Variants in LRFN2 observed in about 807,000 individuals in gnomAD.
LRFN2 encodes leucine-rich repeat and fibronectin type-III domain-containing protein 2.
LRFN2 carries 18 observed loss-of-function variants against 37.3 expected under a neutral mutation model. The ratio of observed to expected loss-of-function variants is 0.48; its 90% CI spans 0.33 to 0.72. The LOEUF (loss-of-function observed/expected upper bound fraction) is 0.72. LRFN2 is among the 30% of genes least tolerant of loss of function. The probability of loss-of-function intolerance (pLI) is 0.02; values close to 1 mark genes in which losing one functional copy is unlikely to be tolerated. For synonymous variants in LRFN2, 556 were observed against 466.6 expected (o/e 1.19, Z -2.47); for missense variants, 1,006 against 1,060.7 (o/e 0.95, Z 0.72).
At chr6:40,445,929 A>T (rs1156908085) in intron 1 of LRFN2, among the ~76,000 whole-genome samples, 1 of 152,234 alleles carries the variant, frequency 6.6e-6, no homozygotes, top group Non-Finnish European at 1.5e-5. Context: ...AACCAGGGCC[A>T]GGCACAAAAT....
At position 40,516,904 on chromosome 6, in the gene LRFN2, T is replaced by G. The variant is rs564168207; in HGVS notation, c.-19+70037A>C. ...AGGCCAGGAAGGTCTCATCCTCATC[T>G]GGGCAGAGCTCTCCATTCCTTCCAT... is the stretch of plus-strand genomic sequence containing the variant. On this transcript the variant is annotated intron_variant, in intron 1 of 2. Transcript: ENST00000338305. 2.6e-4 allele frequency among the ~76,000 whole-genome samples: 40 copies of G among 152,348 alleles called. No homozygotes were observed. In the South Asian group the frequency reaches 2.7e-3, roughly 10 times the overall value.
chr6:40,425,165 G>A (rs1250670339), intron 2 of LRFN2, among the ~76,000 whole-genome samples: 3 of 152,240 alleles, frequency 2.0e-5, no homozygotes, highest in Admixed American at 1.3e-4. Context: ...AACATGGCAT[G>A]GGAAAGGGAG....
At chr6:40,561,481 A>G (rs953508229) in intron 1 of LRFN2, among the ~76,000 whole-genome samples, 1 of 152,204 alleles carries the variant, frequency 6.6e-6, no homozygotes, top group African/African-American at 2.4e-5. Flanking sequence ...GGGACCTGCC[A>G]GAGGGGCTGG....
intron 2 of LRFN2, among the ~76,000 whole-genome samples, chr6:40,421,186 G>A (rs1386308404): frequency 6.6e-6 from 1 of 152,208 alleles, no homozygotes; most frequent in African/African-American, 2.4e-5. Context: ...ACTCCATGGA[G>A]CTCCCATACC....
chr6:40,575,755 A>G (rs760211048), intron 1 of LRFN2, among the ~76,000 whole-genome samples: 2 of 151,574 alleles, frequency 1.3e-5, no homozygotes, highest in African/African-American at 4.8e-5. Context: ...ACGTGACAGC[A>G]TGCATCCTGG....
At position 40,475,302 on chromosome 6, in the gene LRFN2, C is replaced by A. The variant is rs551386908; in HGVS notation, c.-18-42171G>T. On this transcript the variant is annotated intron_variant, in intron 1 of 2. Transcript: ENST00000338305. ...CAGGGAAGAGAGACAAGGATGTGAG[C>A]CCAGTAGGGCCCCTGGAGGAAAAAT... 7.2e-5 allele frequency among the ~76,000 whole-genome samples: 11 copies of A among 152,218 alleles called. No individual in the cohort carries two copies. The South Asian group carries it at 2.3e-3, about 32-fold the overall frequency.
intron 1 of LRFN2, among the ~76,000 whole-genome samples, chr6:40,536,298 C>G (rs75709074): frequency 1.3e-5 from 2 of 151,898 alleles, no homozygotes; most frequent in Admixed American, 1.3e-4. Flanking sequence ...GACACAGCCC[C>G]GTCCTCAGGG....
chr6:40,481,758 G>C (rs992433179), intron 1 of LRFN2, among the ~76,000 whole-genome samples: 2 of 152,170 alleles, frequency 1.3e-5, no homozygotes, highest in African/African-American at 4.8e-5. Context: ...CAGAAGGGCA[G>C]TGTTCAGATC....
chr6:40,396,286 G>A (rs565395489), intron 2 of LRFN2, among the ~76,000 whole-genome samples: 5 of 152,280 alleles, frequency 3.3e-5, no homozygotes, highest in Non-Finnish European at 7.3e-5. Flanking sequence ...TAGTAAGTTG[G>A]CAGAGCTGGG....
At chr6:40,431,654 A>C in intron 2 of LRFN2, 60 bp downstream of exon 2, 1 of 1,423,484 alleles carries the variant, frequency 7.0e-7, no homozygotes, top group Non-Finnish European at 9.4e-7. Context: ...AGACCTCCCC[A>C]TCCCCTCCTC....
intron 1 of LRFN2, among the ~76,000 whole-genome samples, chr6:40,443,548 A>C (rs1381165070): frequency 6.6e-6 from 1 of 152,182 alleles, no homozygotes; most frequent in African/African-American, 2.4e-5. Flanking sequence ...GACCAGGTGT[A>C]ATCCAGGCCC....
At chr6:40,461,224 T>C (rs917017533) in intron 1 of LRFN2, among the ~76,000 whole-genome samples, 2 of 151,892 alleles carry the variant, frequency 1.3e-5, no homozygotes, top group African/African-American at 2.4e-5. Flanking sequence ...CTGGTCAACA[T>C]AGCAAGGATT....
intron 1 of LRFN2, among the ~76,000 whole-genome samples, chr6:40,441,406 T>C (rs1277897058): frequency 6.6e-6 from 1 of 151,974 alleles, no homozygotes; most frequent in Non-Finnish European, 1.5e-5. Context: ...GGGCCTCACA[T>C]GAATGGAGGT....
chr6:40,405,801 G>T (rs1339558400), intron 2 of LRFN2, among the ~76,000 whole-genome samples: 1 of 152,188 alleles, frequency 6.6e-6, no homozygotes, highest in African/African-American at 2.4e-5. Context: ...CAATGGCAGA[G>T]ATGACAGGAA....
At chr6:40,458,997 T>C (rs1179716726) in intron 1 of LRFN2, among the ~76,000 whole-genome samples, 1 of 152,372 alleles carries the variant, frequency 6.6e-6, no homozygotes, top group African/African-American at 2.4e-5. Context: ...CTTTACCTTA[T>C]CCTAACTGAT....
intron 1 of LRFN2, among the ~76,000 whole-genome samples, chr6:40,493,179 G>T (rs1163806000): frequency 6.6e-6 from 1 of 152,118 alleles, no homozygotes; most frequent in African/African-American, 2.4e-5. Flanking sequence ...AGCCAAGGCT[G>T]GGTATCAGGG....
chr6:40,544,376 A>C (rs899704480), intron 1 of LRFN2, among the ~76,000 whole-genome samples: 1 of 152,216 alleles, frequency 6.6e-6, no homozygotes, highest in African/African-American at 2.4e-5. Context: ...TGAAGCTGTG[A>C]TATAAGCCAG....
chr6:40,492,355 C>A (rs1413272861), intron 1 of LRFN2, among the ~76,000 whole-genome samples: 1 of 152,166 alleles, frequency 6.6e-6, no homozygotes, highest in Non-Finnish European at 1.5e-5. Context: ...CCCCACAGCT[C>A]CCCCTGCTCC....
At chr6:40,482,218 C>A (rs1451744613) in intron 1 of LRFN2, among the ~76,000 whole-genome samples, 4 of 152,184 alleles carry the variant, frequency 2.6e-5, no homozygotes, top group Non-Finnish European at 5.9e-5. Context: ...ACTCACTCCT[C>A]CCAGTGGGCC....
Sources: allele counts gnomAD v4.1 joint callset (sites outside exome capture counted in the v4.1 genomes callset), GRCh38; gene constraint gnomAD v4.1.1; transcripts MANE v1.5; gene names NCBI Gene and HGNC (gene_info 2026-07-23, HGNC 2026-07-21).